The following TBC1D32 variants were observed in gnomAD, a reference collection of about 807,000 sequenced individuals.
TBC1D32 encodes the protein TBC1 domain family member 32.
Under a neutral mutation model 170.3 loss-of-function variants are expected in TBC1D32, and 151 were observed. The observed-to-expected ratio is 0.89, with a 90% CI of 0.78 to 1.01. The LOEUF is 1.01. Among genes scored for constraint, TBC1D32 ranks in the 50% least tolerant of loss-of-function variants. The pLI, the probability that TBC1D32 is intolerant of heterozygous loss-of-function variation, is 0.00. For synonymous variants in TBC1D32, 498 were observed against 488.0 expected, an observed-to-expected ratio of 1.02 and a Z score of -0.27; for missense variants, 1,464 against 1,457.1, an observed-to-expected ratio of 1.00 and a Z score of -0.08.
rs181521063 is a variant in TBC1D32, at chr6:121,201,401, C to T, written c.2570+3674G>A. On this transcript the variant is annotated intron_variant, in intron 22 of 31. Transcript: ENST00000398212. ...GGTTAGGAAATGGGCAAAGGAACTA[C>T]TTTTTAACACAGGTGAGGACAGGGG... 9.7e-4 allele frequency among the ~76,000 whole-genome samples: 147 copies of T among 151,484 alleles called. 5 individuals carry two copies. The highest frequency in any genetic ancestry group is 3.6e-3 in the African/African-American group (146 of 40,816).
intron 21 of TBC1D32, among the ~76,000 whole-genome samples, chr6:121,212,722 A>T (rs7451033): frequency 0.079 from 12,017 of 152,086 alleles, 791 homozygotes; most frequent in African/African-American, 0.17. Context: ...CGGGCCCCCA[A>T]AATACTGGGA....
At chr6:121,105,584 C>T (rs1011941051) in intron 30 of TBC1D32, among the ~76,000 whole-genome samples, 2 of 151,844 alleles carry the variant, frequency 1.3e-5, no homozygotes, top group African/African-American at 2.4e-5. Context: ...TAACTTGAGG[C>T]CCTAGAAAAA....
At chr6:121,143,489 A>C (rs967302545) in intron 24 of TBC1D32, among the ~76,000 whole-genome samples, 3 of 152,204 alleles carry the variant, frequency 2.0e-5, no homozygotes, top group Non-Finnish European at 4.4e-5. Context: ...AGCAAACAGA[A>C]TAAATCTAGA....
chr6:121,095,315 T>A (rs1208257610), intron 30 of TBC1D32, among the ~76,000 whole-genome samples: 2 of 152,170 alleles, frequency 1.3e-5, no homozygotes, highest in Non-Finnish European at 2.9e-5. Context: ...TGCACATTAT[T>A]TTATCTGAGG....
At chr6:121,333,821 C>CT (rs1477045900) in intron 1 of TBC1D32, among the ~76,000 whole-genome samples, 3 of 151,990 alleles carry the variant, frequency 2.0e-5, no homozygotes, top group Non-Finnish European at 2.9e-5. Flanking sequence ...GATCCCAGCA[C>CT]TTTGGGAGGC....
chr6:121,102,368 A>G (rs915319776), intron 30 of TBC1D32, among the ~76,000 whole-genome samples: 2 of 152,196 alleles, frequency 1.3e-5, no homozygotes, highest in African/African-American at 2.4e-5. Context: ...CCAAAACAGC[A>G]TGGTACTGGT....
intron 22 of TBC1D32, among the ~76,000 whole-genome samples, chr6:121,180,933 T>A (rs953418083): frequency 6.6e-6 from 1 of 151,852 alleles, no homozygotes; most frequent in Non-Finnish European, 1.5e-5. Flanking sequence ...GCAAAAGATA[T>A]AAACAGGTAT....
At chr6:121,128,946 C>G (rs1461451661) in intron 25 of TBC1D32, among the ~76,000 whole-genome samples, 1 of 152,048 alleles carries the variant, frequency 6.6e-6, no homozygotes. Flanking sequence ...GAATTAGTGC[C>G]CTTATAATAG....
intron 30 of TBC1D32, among the ~76,000 whole-genome samples, chr6:121,101,837 C>T (rs1269238277): frequency 6.6e-6 from 1 of 152,104 alleles, no homozygotes; most frequent in Non-Finnish European, 1.5e-5. Flanking sequence ...ATTTAGAAAA[C>T]CCCATTGTCT....
chr6:121,086,170 C>T (rs115638074), intron 31 of TBC1D32, among the ~76,000 whole-genome samples: 201 of 152,014 alleles, frequency 1.3e-3, no homozygotes, highest in African/African-American at 4.7e-3. Context: ...TACTATGTTC[C>T]AGATAATGGT....
At chr6:121,097,539 A>G (rs1479259947) in intron 30 of TBC1D32, among the ~76,000 whole-genome samples, 2 of 152,168 alleles carry the variant, frequency 1.3e-5, no homozygotes, top group African/African-American at 4.8e-5. Context: ...AAAGTCAGGA[A>G]ACAACAGATG....
intron 22 of TBC1D32, among the ~76,000 whole-genome samples, chr6:121,195,724 G>T (rs1314234524): frequency 6.6e-6 from 1 of 152,154 alleles, no homozygotes; most frequent in African/African-American, 2.4e-5. Context: ...GACAGAGGAA[G>T]GGAAGACTAG....
At chr6:121,213,463 TAATAATAAAATAAAATAAAATAAAATAA>T (rs1253823334) in intron 21 of TBC1D32, among the ~76,000 whole-genome samples, 10 of 21,896 alleles carry the variant, frequency 4.6e-4, no homozygotes, top group African/African-American at 1.8e-3. Context: ...GCCACAAAAA[TAATAATAAAATAAAATAAAATAAAATAA>T]AATAAAATAA....
intron 30 of TBC1D32, among the ~76,000 whole-genome samples, chr6:121,091,942 T>C (rs1776848925): frequency 6.6e-6 from 1 of 151,960 alleles, no homozygotes; most frequent in Admixed American, 6.6e-5. Context: ...AGGAAGACAA[T>C]GAAAAGACAC....
rs565188797 is a variant in TBC1D32, at chr6:121,313,029, C to T, written c.496-2182G>A. ...GGTTCTGGGTCAAGACCACTTTTCC[C>T]GTAACAAAGCAGTCCTCCTGCCTCA... On this transcript the variant is annotated intron_variant, in intron 3 of 31. Coordinates refer to ENST00000398212, the MANE Select transcript of TBC1D32 (RefSeq NM_152730.6). Among the ~76,000 whole-genome samples the T allele has an allele frequency of 9.2e-5, 14 of 152,060 alleles. No homozygotes were observed. In the South Asian group the frequency reaches 1.5e-3, roughly 16 times the overall value.
chr6:121,282,841 T>C (rs1386397318), intron 13 of TBC1D32, among the ~76,000 whole-genome samples: 3 of 151,848 alleles, frequency 2.0e-5, no homozygotes, highest in African/African-American at 4.8e-5. Flanking sequence ...TAAGAGTGTA[T>C]AGTCAGAAGA....
At chr6:121,310,505 TG>T (rs1808030100) in intron 4 of TBC1D32, among the ~76,000 whole-genome samples, 1 of 152,192 alleles carries the variant, frequency 6.6e-6, no homozygotes, top group African/African-American at 2.4e-5. Flanking sequence ...AAGAACAGTT[TG>T]GGGGACAACT....
At chr6:121,185,926 A>T (rs1025170453) in intron 22 of TBC1D32, among the ~76,000 whole-genome samples, 3 of 152,052 alleles carry the variant, frequency 2.0e-5, no homozygotes, top group Non-Finnish European at 4.4e-5. Context: ...AGGACACAAC[A>T]CCTTGGAAAA....
intron 20 of TBC1D32, among the ~76,000 whole-genome samples, chr6:121,228,673 C>G (rs1307114810): frequency 2.0e-5 from 3 of 152,008 alleles, no homozygotes; most frequent in African/African-American, 7.2e-5. Flanking sequence ...CCAACATGGT[C>G]TATCTTTGAG....
Sources: allele counts gnomAD v4.1 joint callset (sites outside exome capture counted in the v4.1 genomes callset), GRCh38; gene constraint gnomAD v4.1.1; transcripts MANE v1.5; gene names NCBI Gene and HGNC (gene_info 2026-07-23, HGNC 2026-07-21).